Variants in MOB3B observed in about 807,000 individuals in gnomAD.
MOB3B encodes the protein MOB kinase activator 3B.
A neutral mutation model predicts 18.7 loss-of-function variants in MOB3B; 7 were observed. The observed-to-expected ratio is 0.37, with a 90% CI of 0.21 to 0.70. The LOEUF is 0.70. Among genes scored for constraint, MOB3B ranks in the 30% least tolerant of loss-of-function variants. The pLI is 0.52. For missense variants in MOB3B, 253 were observed against 281.3 expected, an observed-to-expected ratio of 0.90 and a Z score of 0.72; for synonymous variants, 111 against 99.9, an observed-to-expected ratio of 1.11 and a Z score of -0.66.
chr9:27,371,353 G>A (rs940063408), intron 2 of MOB3B, among the ~76,000 whole-genome samples: 1 of 152,148 alleles, frequency 6.6e-6, no homozygotes, highest in African/African-American at 2.4e-5. Context: ...AAACTGTTGG[G>A]GGATCTTCTC....
intron 1 of MOB3B, among the ~76,000 whole-genome samples, chr9:27,495,206 C>T (rs951977423): frequency 2.0e-5 from 3 of 151,944 alleles, no homozygotes; most frequent in African/African-American, 7.3e-5. Context: ...TGGCATACAC[C>T]TACAGTCTCA....
At chr9:27,441,337 G>A (rs145703673) in intron 2 of MOB3B, among the ~76,000 whole-genome samples, 29 of 152,120 alleles carry the variant, frequency 1.9e-4, no homozygotes, top group African/African-American at 6.7e-4. Flanking sequence ...CTTTCCTTAA[G>A]TCCTTATGTT....
chr9:27,386,858 C>T (rs1367545313), intron 2 of MOB3B, among the ~76,000 whole-genome samples: 1 of 152,198 alleles, frequency 6.6e-6, no homozygotes, highest in East Asian at 1.9e-4. Context: ...AATCTACTTG[C>T]TCCTGGAGGA....
chr9:27,524,870 CA>C (rs1175337934), intron 1 of MOB3B: 10 of 1,613,868 alleles, frequency 6.2e-6, no homozygotes, highest in Non-Finnish European at 8.5e-6. Context: ...AAAAGAAATA[CA>C]GTGACTGTGC....
At chr9:27,410,715 C>A (rs1336863732) in intron 2 of MOB3B, among the ~76,000 whole-genome samples, 1 of 152,128 alleles carries the variant, frequency 6.6e-6, no homozygotes, top group Non-Finnish European at 1.5e-5. Context: ...ATGGTCACCA[C>A]ACAGATCAGT....
chr9:27,443,658 C>T (rs1027459150), intron 2 of MOB3B, among the ~76,000 whole-genome samples: 5 of 152,178 alleles, frequency 3.3e-5, no homozygotes, highest in Non-Finnish European at 7.3e-5. Context: ...ATCTTAGAGA[C>T]CATACCCTGG....
At position 27,428,735 on chromosome 9, in the gene MOB3B, C is replaced by G. The variant is rs139247022; in HGVS notation, c.418+26398G>C. ...CAGGTGCCATGGCTCCCAGCTCTGC[C>G]AAAGATGCCTGTGCTCTAAGATTAG... is the stretch of plus-strand genomic sequence containing the variant. On this transcript the variant is annotated intron_variant, in intron 2 of 3. Transcript: ENST00000262244. Among the ~76,000 whole-genome samples the G allele has an allele frequency of 9.8e-4, 150 of 152,344 alleles. 1 individual carries two copies. Among genetic ancestry groups the G allele is most frequent in the Middle Eastern group, 6.8e-3 (2 of 294 alleles).
intron 2 of MOB3B, among the ~76,000 whole-genome samples, chr9:27,389,952 T>A (rs1359050158): frequency 6.6e-6 from 1 of 151,832 alleles, no homozygotes; most frequent in Non-Finnish European, 1.5e-5. Context: ...GCTAAAAAAA[T>A]AATTAAAAAT....
At chr9:27,466,445 T>C (rs1184261859) in intron 1 of MOB3B, among the ~76,000 whole-genome samples, 1 of 152,190 alleles carries the variant, frequency 6.6e-6, no homozygotes, top group East Asian at 1.9e-4. Flanking sequence ...TCTGAACCCT[T>C]CACATTGTTC....
chr9:27,341,246 A>T (rs532178626), intron 3 of MOB3B, among the ~76,000 whole-genome samples: 1 of 152,346 alleles, frequency 6.6e-6, no homozygotes, highest in East Asian at 1.9e-4. Context: ...CATGCAAGAA[A>T]CGCTGAACAA....
intron 1 of MOB3B, among the ~76,000 whole-genome samples, chr9:27,457,591 C>G (rs1197996430): frequency 6.6e-6 from 1 of 152,228 alleles, no homozygotes; most frequent in Non-Finnish European, 1.5e-5. Flanking sequence ...GCCCCACCCC[C>G]AGTCCCAAGG....
At chr9:27,524,580 G>C (rs753079444) in intron 1 of MOB3B, 1 of 1,614,030 alleles carries the variant, frequency 6.2e-7, no homozygotes, top group South Asian at 1.1e-5. Context: ...TATGAAGAGG[G>C]ACATCAAGAA....
intron 1 of MOB3B, among the ~76,000 whole-genome samples, chr9:27,469,165 G>A (rs1819434428): frequency 1.3e-5 from 2 of 152,130 alleles, no homozygotes; most frequent in Admixed American, 1.3e-4. Flanking sequence ...TGGGGGTCTT[G>A]CCATGTTGCC....
intron 3 of MOB3B, among the ~76,000 whole-genome samples, chr9:27,333,425 C>G (rs918405991): frequency 6.6e-6 from 1 of 152,138 alleles, no homozygotes; most frequent in Non-Finnish European, 1.5e-5. Flanking sequence ...TCAGAGCCCT[C>G]CCGCAGGCTA....
At chr9:27,384,151 G>A (rs968099686) in intron 2 of MOB3B, among the ~76,000 whole-genome samples, 1 of 151,970 alleles carries the variant, frequency 6.6e-6, no homozygotes, top group African/African-American at 2.4e-5. Context: ...CCCTGCAAGG[G>A]AGGAATTATT....
At chr9:27,513,606 C>T (rs774884622) in intron 1 of MOB3B, among the ~76,000 whole-genome samples, 1 of 152,140 alleles carries the variant, frequency 6.6e-6, no homozygotes, top group Non-Finnish European at 1.5e-5. Flanking sequence ...CGAGCTCTTC[C>T]CATCAGGGCC....
intron 2 of MOB3B, among the ~76,000 whole-genome samples, chr9:27,372,634 T>A (rs1013906504): frequency 5.9e-5 from 9 of 152,194 alleles, no homozygotes; most frequent in African/African-American, 1.9e-4. Context: ...TCCCTCCCCA[T>A]AACCCATAAG....
intron 1 of MOB3B, among the ~76,000 whole-genome samples, chr9:27,523,112 A>C (rs1031813093): frequency 5.3e-5 from 8 of 152,194 alleles, no homozygotes; most frequent in Non-Finnish European, 1.0e-4. Flanking sequence ...ATTGCAAATT[A>C]ATGTATATCT....
At chr9:27,333,426 C>G (rs540695522) in intron 3 of MOB3B, among the ~76,000 whole-genome samples, 59 of 152,274 alleles carry the variant, frequency 3.9e-4, no homozygotes, top group Non-Finnish European at 6.0e-4. Flanking sequence ...CAGAGCCCTC[C>G]CGCAGGCTAG....
Sources: allele counts gnomAD v4.1 joint callset (sites outside exome capture counted in the v4.1 genomes callset), GRCh38; gene constraint gnomAD v4.1.1; transcripts MANE v1.5; gene names NCBI Gene and HGNC (gene_info 2026-07-23, HGNC 2026-07-21).